UBE4B: variants seen among roughly 807,000 people sequenced by gnomAD.
UBE4B encodes ubiquitin conjugation factor E4 B.
In UBE4B, 27 loss-of-function variants were observed where a neutral mutation model predicts 148.1. That is an observed-to-expected ratio of 0.18 (90% CI 0.13 to 0.25). UBE4B has a LOEUF of 0.25. UBE4B is among the 10% of genes least tolerant of loss of function. The pLI is 1.00. For synonymous variants in UBE4B, 596 were observed against 619.3 expected, an observed-to-expected ratio of 0.96 and a Z score of 0.56; for missense variants, 1,170 against 1,662.4, an observed-to-expected ratio of 0.70 and a Z score of 5.15.
In UBE4B at chr1:10,150,863, A is replaced by G. The variant is rs181090814; in HGVS notation, c.2691-463A>G. 7.7e-3 allele frequency among the ~76,000 whole-genome samples: 861 copies of G among 112,186 alleles called. 55 individuals carry two copies. The East Asian group carries it at 0.15, about 20-fold the overall frequency. The allele number at this position is 112,186 out of a possible 152,430, so 73.6% of individuals were successfully genotyped here. A position where few individuals can be genotyped will look rare whatever the true frequency, so the allele number is the denominator to read the frequency against. On this transcript the variant is annotated intron_variant, in intron 20 of 27. Coordinates refer to ENST00000343090, the MANE Select transcript of UBE4B (RefSeq NM_001105562.3). ...CAACACAGCGAGGCTCCATCTCAAG[A>G]AAAAAAAAAAAAAATAGGCTGGGCG...
At chr1:10,155,209 G>A (rs1294929561) in intron 21 of UBE4B, among the ~76,000 whole-genome samples, 1 of 152,200 alleles carries the variant, frequency 6.6e-6, no homozygotes, top group Non-Finnish European at 1.5e-5. Flanking sequence ...GAAGGAATTG[G>A]GTGGGGGTTG....
chr1:10,097,052 A>AAAAAATAAT (rs554089049), intron 3 of UBE4B, among the ~76,000 whole-genome samples: 1,734 of 138,408 alleles, frequency 0.013, 14 homozygotes, highest in Non-Finnish European at 0.02. Context: ...AAAAAAAAAA[A>AAAAAATAAT]AATAATAATA....
intron 2 of UBE4B, among the ~76,000 whole-genome samples, chr1:10,079,972 C>T (rs1328144563): frequency 1.3e-5 from 2 of 152,126 alleles, no homozygotes; most frequent in Non-Finnish European, 2.9e-5. Flanking sequence ...CCTCCAGGGG[C>T]TCACTGTTTA....
rs35822677 is a variant in UBE4B at position 10,118,868 on chromosome 1, C to CTTTTTTTTTTTTTT, written c.1339-625_1339-612dup. On this transcript the variant is annotated intron_variant, in intron 8 of 27. Transcript: ENST00000343090. ...GTTTCACCATGTTGGCCAGGCTGGT[C>CTTTTTTTTTTTTTT]TTTTTTTTTTTTTTTTTTTTTTTTT... Among the ~76,000 whole-genome samples, 6 of 23,090 alleles carry CTTTTTTTTTTTTTT rather than the reference C, an allele frequency of 2.6e-4. 2 individuals are homozygous for CTTTTTTTTTTTTTT. Among genetic ancestry groups the CTTTTTTTTTTTTTT allele is most frequent in the African/African-American group, 1.1e-3 (5 of 4,692 alleles). 15.1% of individuals were successfully genotyped at this position (23,090 alleles called of 152,430 possible). A position where few individuals can be genotyped will look rare whatever the true frequency, so the allele number is the denominator to read the frequency against.
Position 10,119,500 on chromosome 1 carries a change from C to T in UBE4B, c.1339-13C>T. ...TGTTTCTTGTCGTCCTCACTTCCAC[C>T]TTTCCTTTTCAGATGTGCAGCCAGC... is the stretch of plus-strand genomic sequence containing the variant. On this transcript the variant is annotated splice_polypyrimidine_tract_variant and intron_variant, in intron 8 of 27. Coordinates refer to ENST00000343090, the MANE Select transcript of UBE4B (RefSeq NM_001105562.3). The T allele has an allele frequency of 1.2e-6, 2 of 1,612,912 alleles. No individual in the cohort carries two copies. Among genetic ancestry groups the T allele is most frequent in the Non-Finnish European group, 1.7e-6 (2 of 1,179,194 alleles).
intron 1 of UBE4B, among the ~76,000 whole-genome samples, chr1:10,050,127 G>A (rs1320155442): frequency 1.3e-5 from 2 of 152,114 alleles, no homozygotes; most frequent in Non-Finnish European, 2.9e-5. Context: ...AGGCTGGAGT[G>A]CAGTGGCGCT....
chr1:10,036,038 C>A (rs540152031), intron 1 of UBE4B, among the ~76,000 whole-genome samples: 1 of 151,858 alleles, frequency 6.6e-6, no homozygotes, highest in African/African-American at 2.4e-5. Flanking sequence ...GCCACCGCGC[C>A]CGGCCGAGGT....
chr1:10,178,778 C>A lies in UBE4B; in HGVS notation c.3660C>A (p.Arg1220=). 1 of 1,613,136 alleles carries A rather than the reference C, an allele frequency of 6.2e-7. No homozygotes were observed. Among genetic ancestry groups the A allele is most frequent in the South Asian group, 1.1e-5 (1 of 90,946 alleles). Residue 1220 remains arginine, a synonymous_variant, in exon 26 of 28, where the codon CGC becomes CGA. Transcript: ENST00000343090. ...AGGAGATAGTGGCCAAGAACGCACG[C>A]GCAGAAATCGACTACAGCGACGCTC... The part of the protein sequence containing the change: ...KVEEIVAKNA[R]AEIDYSDAPD...
rs143854107 is a variant in UBE4B, at chr1:10,178,772, C to A, written c.3654C>A (p.Asn1218Lys). Residue 1218 changes from asparagine to lysine, a missense_variant, in exon 26 of 28, where the codon AAC becomes AAA. Physicochemically the swap from Asn to Lys is moderately conservative, Grantham distance 94. This residue lies in a region of UBE4B where 348 missense variants were observed against 627.2 expected (regional missense o/e 0.55). Transcript: ENST00000343090. The part of the protein sequence containing the change: ...AEKVEEIVAK[N>K]ARAEIDYSDA... ...AAGTGGAGGAGATAGTGGCCAAGAA[C>A]GCACGCGCAGAAATCGACTACAGCG... The A allele has an allele frequency of 6.2e-7, 1 of 1,613,462 alleles. No homozygotes were observed. Among genetic ancestry groups the A allele is most frequent in the African/African-American group, 1.3e-5 (1 of 74,832 alleles).
rs563959231 is a variant in UBE4B at position 10,041,896 on chromosome 1, T to C, written c.24+8202T>C. On this transcript the variant is annotated intron_variant, in intron 1 of 27. Coordinates refer to ENST00000343090, the MANE Select transcript of UBE4B (RefSeq NM_001105562.3). The stretch of plus-strand genomic sequence containing the variant: ...TATTTTTAGTAGAGGGGTTTCACCA[T>C]GTTGGCCAGGCTGGTCTCAAACTCC... 7.3e-5 allele frequency among the ~76,000 whole-genome samples: 11 copies of C among 150,218 alleles called. No individual in the cohort carries two copies. The South Asian group carries it at 2.3e-3, about 32-fold the overall frequency.
intron 22 of UBE4B, among the ~76,000 whole-genome samples, chr1:10,159,060 G>T (rs2102005264): frequency 6.6e-6 from 1 of 151,708 alleles, no homozygotes; most frequent in African/African-American, 2.4e-5. Context: ...ATGCTGAGAT[G>T]ATGGGTTAAG....
chr1:10,077,753 T>C (rs1644608492), intron 2 of UBE4B, among the ~76,000 whole-genome samples: 2 of 152,232 alleles, frequency 1.3e-5, no homozygotes, highest in African/African-American at 4.8e-5. Context: ...TTAAAAATCC[T>C]CAGTCTATTC....
At position 10,158,300 on chromosome 1, in the gene UBE4B, G is replaced by A. The variant is rs1240460134; in HGVS notation, c.2927-56G>A. 4.4e-6 allele frequency: 7 copies of A among 1,586,812 alleles called. No individual in the cohort carries two copies. In the East Asian group the frequency reaches 1.6e-4, roughly 36 times the overall value. On this transcript the variant is annotated intron_variant, in intron 21 of 27. Coordinates refer to ENST00000343090, the MANE Select transcript of UBE4B (RefSeq NM_001105562.3). Reference sequence around the variant, plus strand: ...CAGTATCATTGTTGGGGCAATAACTGGATTTGGAAAGCAAGAAAATACATA... The same window carrying A: ...CAGTATCATTGTTGGGGCAATAACTAGATTTGGAAAGCAAGAAAATACATA...
chr1:10,126,234 A>G (rs1445138318), intron 10 of UBE4B, among the ~76,000 whole-genome samples: 1 of 152,190 alleles, frequency 6.6e-6, no homozygotes, highest in African/African-American at 2.4e-5. Context: ...CCAGAGGCAC[A>G]GGTTGCAGTG....
At chr1:10,034,991 GT>G (rs34028637) in intron 1 of UBE4B, among the ~76,000 whole-genome samples, 2 of 151,288 alleles carry the variant, frequency 1.3e-5, no homozygotes, top group South Asian at 2.1e-4. Flanking sequence ...TTTTATGTGG[GT>G]TTTTTTTTGT....
At chr1:10,096,788 C>T (rs1272850335) in intron 3 of UBE4B, among the ~76,000 whole-genome samples, 2 of 151,968 alleles carry the variant, frequency 1.3e-5, no homozygotes, top group Non-Finnish European at 2.9e-5. Flanking sequence ...CGCCTGTAAT[C>T]CCAGCACTTT....
At chr1:10,108,146 GGTGTGTGT>G (rs145406095) in intron 7 of UBE4B, among the ~76,000 whole-genome samples, 1 of 148,690 alleles carries the variant, frequency 6.7e-6, no homozygotes, top group Non-Finnish European at 1.5e-5. Context: ...ATTTGGGGGA[GGTGTGTGT>G]GTGTGTGTGT....
At chr1:10,077,050 C>T (rs936613115) in intron 2 of UBE4B, among the ~76,000 whole-genome samples, 2 of 152,022 alleles carry the variant, frequency 1.3e-5, no homozygotes, top group Non-Finnish European at 1.5e-5. Context: ...CAGCCTAGTC[C>T]CAGCTTCTTG....
chr1:10,165,362 C>T (rs1244728843), intron 23 of UBE4B, among the ~76,000 whole-genome samples: 1 of 152,142 alleles, frequency 6.6e-6, no homozygotes, highest in Non-Finnish European at 1.5e-5. Flanking sequence ...CTTCTCAGCA[C>T]CTCCAGACCG....
Sources: gnomAD v4.1 joint callset for allele counts (sites outside exome capture counted in the v4.1 genomes callset) on GRCh38, gnomAD v4.1.1 for gene constraint, gnomAD v4.1.1 regional missense constraint, MANE v1.5 for transcripts, NCBI Gene and HGNC (gene_info 2026-07-23, HGNC 2026-07-21) for gene names.